Variants in ARMH4 observed in about 807,000 individuals in gnomAD.
ARMH4 encodes the protein armadillo like helical domain containing 4, also known as armadillo-like helical domain-containing protein 4.
Under a neutral mutation model 61.9 loss-of-function variants are expected in ARMH4, and 49 were observed. The observed-to-expected ratio is 0.79, with a 90% CI of 0.63 to 1.00. The LOEUF is 1.00. Among genes scored for constraint, ARMH4 ranks in the 50% least tolerant of loss-of-function variants. The pLI is 0.00. For synonymous variants in ARMH4, 368 were observed against 341.5 expected, an observed-to-expected ratio of 1.08 and a Z score of -0.85; for missense variants, 934 against 930.0, an observed-to-expected ratio of 1.00 and a Z score of -0.06.
intron 5 of ARMH4, among the ~76,000 whole-genome samples, chr14:58,049,966 T>C (rs775363881): frequency 6.6e-6 from 1 of 152,248 alleles, no homozygotes. Context: ...TATGATTCAA[T>C]GTTCCTTTGG....
intron 5 of ARMH4, among the ~76,000 whole-genome samples, chr14:58,052,846 A>C (rs1884191896): frequency 6.6e-6 from 1 of 151,962 alleles, no homozygotes; most frequent in Non-Finnish European, 1.5e-5. Context: ...CAAACTCAAC[A>C]TAACCAAAAC....
chr14:58,086,477 A>G (rs1385925193), intron 5 of ARMH4, among the ~76,000 whole-genome samples: 1 of 152,196 alleles, frequency 6.6e-6, no homozygotes, highest in Non-Finnish European at 1.5e-5. Context: ...GCTTAGTGTC[A>G]GTTATAAGCA....
intron 5 of ARMH4, among the ~76,000 whole-genome samples, chr14:58,089,197 C>A (rs1885478227): frequency 6.6e-6 from 1 of 152,216 alleles, no homozygotes; most frequent in Non-Finnish European, 1.5e-5. Flanking sequence ...TCGAGCAAAC[C>A]TTTAGGCCAT....
At chr14:58,014,596 C>T (rs1882533623) in intron 5 of ARMH4, among the ~76,000 whole-genome samples, 1 of 152,130 alleles carries the variant, frequency 6.6e-6, no homozygotes. Flanking sequence ...AAATACGTCT[C>T]ATTTAAGCCC....
At chr14:58,091,158 G>C (rs1885552165) in intron 5 of ARMH4, among the ~76,000 whole-genome samples, 1 of 151,684 alleles carries the variant, frequency 6.6e-6, no homozygotes, top group Non-Finnish European at 1.5e-5. Flanking sequence ...GTTGTAGTGA[G>C]CCAAGATCAC....
intron 4 of ARMH4, among the ~76,000 whole-genome samples, chr14:58,106,154 C>A (rs1187230734): frequency 6.6e-6 from 1 of 152,208 alleles, no homozygotes. Flanking sequence ...ACGTGTCCCA[C>A]TGAGTCCAGC....
intron 5 of ARMH4, among the ~76,000 whole-genome samples, chr14:58,014,014 A>G (rs1347132332): frequency 1.4e-5 from 2 of 138,470 alleles, no homozygotes; most frequent in East Asian, 4.4e-4. Context: ...ACAGAGTAAG[A>G]CTCCATCTCA....
At chr14:58,135,969 G>A (rs1887288269) in intron 2 of ARMH4, among the ~76,000 whole-genome samples, 1 of 151,826 alleles carries the variant, frequency 6.6e-6, no homozygotes, top group Non-Finnish European at 1.5e-5. Flanking sequence ...TAAAACAAAA[G>A]TAATAACTTG....
At chr14:58,105,344 A>G (rs537679214) in intron 4 of ARMH4, among the ~76,000 whole-genome samples, 1 of 152,334 alleles carries the variant, frequency 6.6e-6, no homozygotes, top group South Asian at 2.1e-4. Context: ...CGTACACACA[A>G]TTATTCCAAA....
At chr14:58,011,093 C>G (rs747115862) in intron 6 of ARMH4, among the ~76,000 whole-genome samples, 1 of 152,066 alleles carries the variant, frequency 6.6e-6, no homozygotes, top group East Asian at 1.9e-4. Context: ...TTACAAATAC[C>G]AAAATGGCCT....
At chr14:58,048,573 C>G (rs1219439419) in intron 5 of ARMH4, among the ~76,000 whole-genome samples, 3 of 152,162 alleles carry the variant, frequency 2.0e-5, no homozygotes. Context: ...TTATGCTTGT[C>G]TGCTTCTGGA....
chr14:58,098,541 T>C (rs542290808), intron 4 of ARMH4, among the ~76,000 whole-genome samples: 2 of 152,278 alleles, frequency 1.3e-5, no homozygotes, highest in Middle Eastern at 6.8e-3. Context: ...AAAGAAAGCT[T>C]TTCTGACAAG....
At chr14:58,040,879 G>C (rs1203711228) in intron 5 of ARMH4, among the ~76,000 whole-genome samples, 1 of 152,174 alleles carries the variant, frequency 6.6e-6, no homozygotes, top group Non-Finnish European at 1.5e-5. Context: ...GTTTCTAAGG[G>C]AGAATGCCCT....
chr14:58,091,543 A>C (rs1885564658), intron 5 of ARMH4, among the ~76,000 whole-genome samples: 2 of 152,250 alleles, frequency 1.3e-5, no homozygotes. Context: ...TAACAAATAA[A>C]GGAAGAATAA....
intron 1 of ARMH4, among the ~76,000 whole-genome samples, 166 bp from the exon 2 acceptor site, chr14:58,139,580 C>G (rs1462256392): frequency 6.6e-6 from 1 of 152,118 alleles, no homozygotes; most frequent in African/African-American, 2.4e-5. Context: ...CATGGATAAC[C>G]CAGTTCATTT....
At chr14:58,140,106 T>TA (rs1887481601) in intron 1 of ARMH4, among the ~76,000 whole-genome samples, 3 of 150,678 alleles carry the variant, frequency 2.0e-5, no homozygotes, top group African/African-American at 7.4e-5. Context: ...CCATCTCTAC[T>TA]AAAAATACAA....
intron 5 of ARMH4, among the ~76,000 whole-genome samples, chr14:58,059,659 C>T (rs937676983): frequency 3.3e-5 from 5 of 152,154 alleles, no homozygotes; most frequent in Admixed American, 1.3e-4. Flanking sequence ...AAAAATGTGC[C>T]ACTGAAAACC....
chr14:58,028,424 G>A (rs1041107413), intron 5 of ARMH4, among the ~76,000 whole-genome samples: 2 of 152,152 alleles, frequency 1.3e-5, no homozygotes, highest in Non-Finnish European at 2.9e-5. Context: ...AGAAGTCAAG[G>A]CTGGGGCTTC....
In ARMH4 at chr14:58,052,211, C is replaced by T. The variant is rs150482081; in HGVS notation, c.2090-40061G>A. On this transcript the variant is annotated intron_variant, in intron 5 of 7. Coordinates refer to ENST00000267485, the MANE Select transcript of ARMH4 (RefSeq NM_001001872.4). ...CAGTGAGACCAGGGACTGTGTCCTGCGCACCCCCATGCCCCTGTTCCTCTT... is the reference window on the plus strand; with the variant it reads ...CAGTGAGACCAGGGACTGTGTCCTGTGCACCCCCATGCCCCTGTTCCTCTT... Among the ~76,000 whole-genome samples the T allele has an allele frequency of 2.3e-3, 356 of 152,230 alleles. 2 individuals are homozygous for T. The highest frequency in any genetic ancestry group is 8.1e-3 in the African/African-American group (337 of 41,552).
Sources: allele counts gnomAD v4.1 joint callset (sites outside exome capture counted in the v4.1 genomes callset), GRCh38; gene constraint gnomAD v4.1.1; transcripts MANE v1.5; gene names NCBI Gene and HGNC (gene_info 2026-07-23, HGNC 2026-07-21).